C16orf87: variants seen among roughly 807,000 people sequenced by gnomAD.
C16orf87 encodes the protein UPF0547 protein C16orf87.
Under a neutral mutation model 21.0 loss-of-function variants are expected in C16orf87, and 13 were observed. That is an observed-to-expected ratio of 0.62 (90% CI 0.40 to 0.98). The LOEUF (loss-of-function observed/expected upper bound fraction) is 0.98. C16orf87 is among the 50% of genes least tolerant of loss of function. C16orf87 has a pLI of 0.00. For synonymous variants in C16orf87, 49 were observed against 60.2 expected (o/e 0.81, Z 0.86); for missense variants, 113 against 180.4 (o/e 0.63, Z 2.14).
intron 1 of C16orf87, among the ~76,000 whole-genome samples, chr16:46,824,706 C>G (rs1959550412): frequency 6.9e-6 from 1 of 144,792 alleles, no homozygotes; most frequent in Non-Finnish European, 1.5e-5. Flanking sequence ...CACTCTGTCA[C>G]CCAGGCTGGA....
At position 46,805,352 on chromosome 16, in the gene C16orf87, C is replaced by T. The variant is rs188421391; in HGVS notation, c.347-2282G>A. ...TTCTGGAACCTTTCTTCAATTTTAT[C>T]TTTAAGCCTTTTATTAAAGTTGTTC... On this transcript the variant is annotated intron_variant, in intron 3 of 3. Coordinates refer to ENST00000285697, the MANE Select transcript of C16orf87 (RefSeq NM_001001436.4). Among the ~76,000 whole-genome samples, 340 of 152,136 alleles carry T rather than the reference C, an allele frequency of 2.2e-3. 1 individual carries two copies. In the Middle Eastern group the frequency reaches 0.024, roughly 11 times the overall value.
Position 46,802,948 on chromosome 16 carries a change from A to C in C16orf87, c.*4T>G, listed in dbSNP as rs377742960. On this transcript the variant is annotated 3_prime_UTR_variant, in exon 4 of 4. Coordinates refer to ENST00000285697, the MANE Select transcript of C16orf87 (RefSeq NM_001001436.4). ...GAAGTTTCAGCAGATTTTGCAAACA[A>C]GTATCAGAGAATAAGTCTTTGATTG... The C allele has an allele frequency of 2.9e-6, 4 of 1,391,244 alleles. No homozygotes were observed. The African/African-American group carries it at 4.3e-5, about 15-fold the overall frequency. The allele number at this position is 1,391,244 out of a possible 1,614,324, so 86.2% of individuals were successfully genotyped here.
At chr16:46,817,589 G>A (rs1037266558) in intron 2 of C16orf87, among the ~76,000 whole-genome samples, 1 of 152,076 alleles carries the variant, frequency 6.6e-6, no homozygotes, top group African/African-American at 2.4e-5. Flanking sequence ...TAGGGAGGCT[G>A]AGGCAGAAGA....
intron 2 of C16orf87, among the ~76,000 whole-genome samples, chr16:46,823,384 C>T (rs1376198652): frequency 6.6e-6 from 1 of 152,110 alleles, no homozygotes; most frequent in Non-Finnish European, 1.5e-5. Flanking sequence ...TTGTAATGAA[C>T]CTACTCTTAT....
chr16:46,825,082 T>C (rs1011825688), intron 1 of C16orf87, among the ~76,000 whole-genome samples: 5 of 152,110 alleles, frequency 3.3e-5, no homozygotes, highest in African/African-American at 1.2e-4. Context: ...AAAACTGTAA[T>C]AGGGTCAGAG....
chr16:46,820,254 A>G lies in C16orf87; in HGVS notation c.163+4132T>C, dbSNP rs187772306. On this transcript the variant is annotated intron_variant, in intron 2 of 3. Coordinates refer to ENST00000285697, the MANE Select transcript of C16orf87 (RefSeq NM_001001436.4). ...AGCTTTCAACCTAGTGAAATTTTAA[A>G]AATATCTTTTACAGCTTTATTTTTA... is the stretch of plus-strand genomic sequence containing the variant. Among the ~76,000 whole-genome samples, 24 of 152,344 alleles carry G rather than the reference A, an allele frequency of 1.6e-4. No homozygotes were observed. In the East Asian group the frequency reaches 2.5e-3, roughly 16 times the overall value.
At position 46,798,761 on chromosome 16, in the gene C16orf87, A is replaced by G. The variant is rs191473550; in HGVS notation, c.*4191T>C. 5 of 152,514 alleles carry G rather than the reference A, an allele frequency of 3.3e-5. No homozygotes were observed. The highest frequency in any genetic ancestry group is 9.6e-5 in the African/African-American group (4 of 41,552). The allele number at this position is 152,514 out of a possible 1,614,324, so 9.4% of individuals were successfully genotyped here. ...TCCGTGTCAAAAAAAAAAGAAAAGA[A>G]AAGCTATCAGTATGTTTCACCATAT... On this transcript the variant is annotated 3_prime_UTR_variant, in exon 4 of 4. Coordinates refer to ENST00000285697, the MANE Select transcript of C16orf87 (RefSeq NM_001001436.4).
chr16:46,802,806 G>A lies in C16orf87; in HGVS notation c.*146C>T. 1.7e-6 allele frequency: 1 copy of A among 596,508 alleles called. No individual in the cohort carries two copies. The highest frequency in any genetic ancestry group is 3.0e-6 in the Non-Finnish European group (1 of 329,090). The allele number at this position is 596,508 out of a possible 1,614,324, so 37.0% of individuals were successfully genotyped here. ...AAGCCTACACAGCTTTGCTCCCGAA[G>A]TGTGGCACAGGCTAAACGACAGGCG... On this transcript the variant is annotated 3_prime_UTR_variant, in exon 4 of 4. Transcript: ENST00000285697.
At chr16:46,809,110 C>A (rs1968008198) in intron 3 of C16orf87, among the ~76,000 whole-genome samples, 1 of 150,832 alleles carries the variant, frequency 6.6e-6, no homozygotes, top group Non-Finnish European at 1.5e-5. Context: ...CTAGCCTGGG[C>A]AACATGGTGA....
chr16:46,803,290 G>A (rs1356629097), intron 3 of C16orf87, among the ~76,000 whole-genome samples: 2 of 152,082 alleles, frequency 1.3e-5, no homozygotes, highest in Non-Finnish European at 2.9e-5. Context: ...TCTATACACA[G>A]GCACTCTAAC....
intron 3 of C16orf87, among the ~76,000 whole-genome samples, chr16:46,809,123 C>T (rs921279907): frequency 3.3e-5 from 5 of 150,934 alleles, no homozygotes; most frequent in African/African-American, 4.9e-5. Context: ...CATGGTGAAA[C>T]CCCCCTCTAC....
intron 1 of C16orf87, among the ~76,000 whole-genome samples, chr16:46,828,957 G>A (rs1309586321): frequency 2.0e-5 from 3 of 152,072 alleles, no homozygotes; most frequent in African/African-American, 7.2e-5. Context: ...TGGAATAAAG[G>A]ACAAAACAAA....
intron 1 of C16orf87, among the ~76,000 whole-genome samples, chr16:46,824,991 CA>C (rs1214046810): frequency 6.6e-6 from 1 of 151,928 alleles, no homozygotes; most frequent in Non-Finnish European, 1.5e-5. Flanking sequence ...TACTGCTTAA[CA>C]AAACCATGAA....
intron 1 of C16orf87, among the ~76,000 whole-genome samples, chr16:46,829,584 G>T (rs1391917444): frequency 6.6e-6 from 1 of 152,130 alleles, no homozygotes; most frequent in African/African-American, 2.4e-5. Flanking sequence ...GGAATAATTG[G>T]AAATGATTTA....
intron 1 of C16orf87, among the ~76,000 whole-genome samples, chr16:46,825,281 T>G (rs1959569758): frequency 6.6e-6 from 1 of 152,104 alleles, no homozygotes; most frequent in South Asian, 2.1e-4. Flanking sequence ...TGCCAGAGTT[T>G]CCAAGGCAAG....
intron 3 of C16orf87, among the ~76,000 whole-genome samples, chr16:46,809,007 G>C (rs1968003298): frequency 1.6e-5 from 2 of 129,020 alleles, no homozygotes; most frequent in Non-Finnish European, 1.6e-5. Context: ...ACTCAGACAT[G>C]TCTTTAAAAG....
intron 3 of C16orf87, among the ~76,000 whole-genome samples, chr16:46,803,976 T>C (rs968481442): frequency 2.0e-5 from 3 of 152,224 alleles, no homozygotes; most frequent in Non-Finnish European, 4.4e-5. Context: ...ATCTTCTCAC[T>C]ATAATTAAAT....
chr16:46,818,983 G>A (rs1213087411), intron 2 of C16orf87, among the ~76,000 whole-genome samples: 1 of 152,220 alleles, frequency 6.6e-6, no homozygotes, highest in African/African-American at 2.4e-5. Context: ...TAGGGCATAG[G>A]CCAAGTAAAT....
At position 46,801,607 on chromosome 16, in the gene C16orf87, A is replaced by G. The variant is rs1967779558; in HGVS notation, c.*1345T>C. 6.6e-6 allele frequency: 1 copy of G among 152,228 alleles called. No homozygotes were observed. The highest frequency in any genetic ancestry group is 1.5e-5 in the Non-Finnish European group (1 of 68,034). The allele number at this position is 152,228 out of a possible 1,614,324, so 9.4% of individuals were successfully genotyped here. ...ATTAAAGGAAAAGGAATCCTTAGGA[A>G]AATTCTTTATCCTATCTAGAGTACC... On this transcript the variant is annotated 3_prime_UTR_variant, in exon 4 of 4. Transcript: ENST00000285697.
Sources: gnomAD v4.1 joint callset for allele counts (sites outside exome capture counted in the v4.1 genomes callset) on GRCh38, gnomAD v4.1.1 for gene constraint, MANE v1.5 for transcripts, NCBI Gene and HGNC (gene_info 2026-07-23, HGNC 2026-07-21) for gene names.